Variants in PREX2 observed in about 807,000 individuals in gnomAD.
PREX2 encodes phosphatidylinositol-3,4,5-trisphosphate dependent Rac exchange factor 2.
In PREX2, 107 loss-of-function variants were observed where a neutral mutation model predicts 203.2. The ratio of observed to expected loss-of-function variants is 0.53; its 90% confidence interval spans 0.45 to 0.62. The LOEUF (loss-of-function observed/expected upper bound fraction) is 0.62, where lower values mean the gene tolerates loss of function less well. Ranked by LOEUF, PREX2 falls within the 20% of genes least tolerant of loss-of-function variation. PREX2 has a pLI of 0.00. For missense variants in PREX2, 1,777 were observed against 1,955.9 expected (o/e 0.91, Z 1.72); for synonymous variants, 672 against 663.6 (o/e 1.01, Z -0.19).
chr8:68,141,749 G>C (rs1232884326), intron 33 of PREX2, among the ~76,000 whole-genome samples: 1 of 151,854 alleles, frequency 6.6e-6, no homozygotes, highest in Non-Finnish European at 1.5e-5. Context: ...ATGATTAGAG[G>C]CTATGTTTAC....
At chr8:68,105,748 T>C in intron 23 of PREX2, 2 of 175,968 alleles carry the variant, frequency 1.1e-5, no homozygotes, top group Non-Finnish European at 2.1e-5. Context: ...TATATATACA[T>C]ATATATGTAT....
At chr8:68,096,523 C>A (rs1810078639) in intron 21 of PREX2, among the ~76,000 whole-genome samples, 1 of 152,040 alleles carries the variant, frequency 6.6e-6, no homozygotes, top group Non-Finnish European at 1.5e-5. Flanking sequence ...TCAATGAGCC[C>A]TCTCTGTAAG....
intron 35 of PREX2, among the ~76,000 whole-genome samples, chr8:68,171,380 G>C (rs1811873373): frequency 6.6e-6 from 1 of 152,048 alleles, no homozygotes; most frequent in Non-Finnish European, 1.5e-5. Flanking sequence ...ATGTATTTTG[G>C]ACAATTTTTT....
intron 1 of PREX2, among the ~76,000 whole-genome samples, chr8:68,002,139 T>TCC (rs761597880): frequency 8.9e-4 from 119 of 134,402 alleles, no homozygotes; most frequent in Non-Finnish European, 1.4e-3. Flanking sequence ...CTTTTTTTCT[T>TCC]TTTCTTTCTT....
intron 22 of PREX2, among the ~76,000 whole-genome samples, chr8:68,098,173 T>C (rs192605376): frequency 1.3e-5 from 2 of 152,258 alleles, no homozygotes; most frequent in Non-Finnish European, 2.9e-5. Context: ...TCCACAGGTG[T>C]TGGATTTAGT....
At chr8:68,091,039 A>C (rs1464593628) in intron 20 of PREX2, among the ~76,000 whole-genome samples, 2 of 152,190 alleles carry the variant, frequency 1.3e-5, no homozygotes, top group East Asian at 3.8e-4. Context: ...ATTGCTTTAG[A>C]ATATGTAATG....
intron 35 of PREX2, among the ~76,000 whole-genome samples, chr8:68,181,391 G>A (rs935164342): frequency 6.6e-6 from 1 of 152,058 alleles, no homozygotes; most frequent in African/African-American, 2.4e-5. Flanking sequence ...CTCTGTAGCA[G>A]ATGTCTACAG....
Position 68,087,754 on chromosome 8 carries a change from A to G in PREX2, c.2058A>G (p.Gly686=), listed in dbSNP as rs1563538125. The change falls in exon 19 of 40, where the codon GGA becomes GGG. Residue 686 remains glycine (G), a synonymous_variant. Transcript: ENST00000288368. ...TGAAAATTCCAGATTCAGCTGATGGACTTGGCTTCCAGATCCGGGGATTTG... is the reference window on the plus strand; with the variant it reads ...TGAAAATTCCAGATTCAGCTGATGGGCTTGGCTTCCAGATCCGGGGATTTG... ...ETVKIPDSAD[G]LGFQIRGFGP... 2 of 1,613,852 alleles carry G rather than the reference A, an allele frequency of 1.2e-6. No homozygotes were observed. Among genetic ancestry groups the G allele is most frequent in the Non-Finnish European group, 1.7e-6 (2 of 1,179,758 alleles).
chr8:68,078,192 G>T (rs1274382824), intron 15 of PREX2, among the ~76,000 whole-genome samples: 2 of 152,012 alleles, frequency 1.3e-5, no homozygotes, highest in African/African-American at 2.4e-5. Flanking sequence ...TTGAGACAGG[G>T]TCTCACTCTG....
chr8:68,051,459 G>A (rs1002988233), intron 8 of PREX2, among the ~76,000 whole-genome samples: 1 of 152,118 alleles, frequency 6.6e-6, no homozygotes, highest in African/African-American at 2.4e-5. Flanking sequence ...GGGCTTGTAT[G>A]TGACTCTGGT....
At chr8:68,109,380 G>A (rs200965886) in intron 24 of PREX2, 36 bp from the exon 25 acceptor site, 36 of 1,510,890 alleles carry the variant, frequency 2.4e-5, no homozygotes, top group Middle Eastern at 2.1e-4. Flanking sequence ...AGTTAAAGGT[G>A]ATACATATTA....
intron 5 of PREX2, among the ~76,000 whole-genome samples, chr8:68,028,009 C>T (rs1368239209): frequency 6.6e-6 from 1 of 151,910 alleles, no homozygotes; most frequent in Non-Finnish European, 1.5e-5. Flanking sequence ...TTTTTTGGAA[C>T]CATAACATCA....
chr8:68,146,366 C>T lies in PREX2; in HGVS notation c.4231+14C>T. 5 of 1,597,930 alleles carry T rather than the reference C, an allele frequency of 3.1e-6. No individual in the cohort carries two copies. The highest frequency in any genetic ancestry group is 4.3e-6 in the Non-Finnish European group (5 of 1,169,492). On this transcript the variant is annotated intron_variant, in intron 34 of 39. Transcript: ENST00000288368. Reference sequence around the variant, plus strand: ...TTTTTGCACAAGGTAAACTGTTTCTCTTTTGATGGCTGCTATACTTTAATT... The same window carrying T: ...TTTTTGCACAAGGTAAACTGTTTCTTTTTTGATGGCTGCTATACTTTAATT...
At chr8:68,115,013 TTTTC>T (rs1170146031) in intron 25 of PREX2, among the ~76,000 whole-genome samples, 3 of 137,254 alleles carry the variant, frequency 2.2e-5, no homozygotes, top group Non-Finnish European at 3.1e-5. Flanking sequence ...CTTTCTTTTC[TTTTC>T]TTTCTTTTTT....
intron 1 of PREX2, among the ~76,000 whole-genome samples, chr8:67,954,316 G>C (rs1176614949): frequency 6.6e-6 from 1 of 152,080 alleles, no homozygotes; most frequent in East Asian, 1.9e-4. Flanking sequence ...GCACTAATTA[G>C]TCTGAATGCC....
Position 67,995,076 on chromosome 8 carries a change from CTTTTT to C in PREX2, c.142-22768_142-22764del, listed in dbSNP as rs550853355. On this transcript the variant is annotated intron_variant, in intron 1 of 39. Coordinates refer to ENST00000288368, the MANE Select transcript of PREX2 (RefSeq NM_024870.4). Reference sequence around the variant, plus strand: ...CAGTATTGTTCTCTACTTTCCTTTTCTTTTTTAAGACTACATGGTGTACCTTTATA... The same window carrying C: ...CAGTATTGTTCTCTACTTTCCTTTTCTAAGACTACATGGTGTACCTTTATA... Among the ~76,000 whole-genome samples, 13 of 151,588 alleles carry C rather than the reference CTTTTT, an allele frequency of 8.6e-5. No homozygotes were observed. The East Asian group carries it at 2.1e-3, about 25-fold the overall frequency.
chr8:68,007,599 G>A lies in PREX2; in HGVS notation c.142-10247G>A, dbSNP rs1239373525. Among the ~76,000 whole-genome samples, 6 of 152,110 alleles carry A rather than the reference G, an allele frequency of 3.9e-5. No individual in the cohort carries two copies. The South Asian group carries it at 6.2e-4, about 16-fold the overall frequency. On this transcript the variant is annotated intron_variant, in intron 1 of 39. Transcript: ENST00000288368. ...ACAGCAAACGTAGACATTGACACTC[G>A]ATGTACCAGTTACTTTTTTTTTATT...
intron 13 of PREX2, 124 bp from the exon 14 acceptor site, chr8:68,072,367 AACTC>A (rs1188012962): frequency 2.5e-5 from 13 of 529,248 alleles, no homozygotes; most frequent in Non-Finnish European, 4.3e-5. Flanking sequence ...TTGGGCAACT[AACTC>A]AGGTTACAGT....
chr8:68,040,040 T>C (rs1167737048), intron 7 of PREX2, among the ~76,000 whole-genome samples: 2 of 152,180 alleles, frequency 1.3e-5, no homozygotes, highest in African/African-American at 4.8e-5. Context: ...TTTGTTTTGT[T>C]TTGAGACAGG....
Sources: allele counts gnomAD v4.1 joint callset (sites outside exome capture counted in the v4.1 genomes callset), GRCh38; gene constraint gnomAD v4.1.1; transcripts MANE v1.5; gene names NCBI Gene and HGNC (gene_info 2026-07-23, HGNC 2026-07-21).